C4orf51: variants seen among roughly 807,000 people sequenced by gnomAD.
C4orf51 encodes chromosome 4 open reading frame 51, also known as uncharacterized protein C4orf51.
In C4orf51, 25 loss-of-function variants were observed where a neutral mutation model predicts 25.2. That is an observed-to-expected ratio of 0.99 (90% CI 0.72 to 1.39). The LOEUF (loss-of-function observed/expected upper bound fraction) is 1.39. Among genes scored for constraint, C4orf51 ranks in the 40% most tolerant of loss-of-function variants. The pLI, the probability that C4orf51 is intolerant of heterozygous loss-of-function variation, is 0.00. For synonymous variants in C4orf51, 100 were observed against 84.5 expected, an observed-to-expected ratio of 1.18 and a Z score of -1.01; for missense variants, 252 against 239.6, an observed-to-expected ratio of 1.05 and a Z score of -0.34.
At chr4:145,686,526 G>A (rs924023803) in intron 1 of C4orf51, among the ~76,000 whole-genome samples, 31 of 152,232 alleles carry the variant, frequency 2.0e-4, no homozygotes, top group African/African-American at 7.5e-4. Flanking sequence ...TGTATATACA[G>A]AGGGATGTAC....
chr4:145,680,525 A>G, intron 1 of C4orf51, 89 bp downstream of exon 1: 1 of 907,140 alleles, frequency 1.1e-6, no homozygotes, highest in Non-Finnish European at 1.7e-6. Context: ...AGACCCTGAG[A>G]GACTTCATAG....
downstream of C4orf51, among the ~76,000 whole-genome samples, chr4:145,733,349 C>T (rs1018434158): frequency 1.3e-4 from 20 of 152,322 alleles, no homozygotes; most frequent in African/African-American, 3.1e-4. Context: ...CGCCTCGTCG[C>T]CCCCGCGGAG....
At chr4:145,693,447 C>T (rs1049539890) in intron 1 of C4orf51, among the ~76,000 whole-genome samples, 5 of 152,158 alleles carry the variant, frequency 3.3e-5, no homozygotes, top group African/African-American at 1.2e-4. Flanking sequence ...CACACAGACA[C>T]GGCAACCATC....
chr4:145,703,568 C>T (rs183268844), intron 2 of C4orf51, among the ~76,000 whole-genome samples: 174 of 152,276 alleles, frequency 1.1e-3, no homozygotes, highest in Non-Finnish European at 1.7e-3. Context: ...CTTTTCACTT[C>T]GTTGATAGTT....
rs1027733236 is a variant in C4orf51, at chr4:145,761,024, C to T, written n.167-9964C>T. 4.9e-5 allele frequency: 63 copies of T among 1,281,522 alleles called. No individual in the cohort carries two copies. The highest frequency in any genetic ancestry group is 5.9e-5 in the Non-Finnish European group (58 of 983,620). 79.4% of individuals were successfully genotyped at this position (1,281,522 alleles called of 1,614,324 possible). A position where few individuals can be genotyped will look rare whatever the true frequency, so the allele number is the denominator to read the frequency against. ...GCCAGGTTGGGCTCTGAGCTGCTGC[C>T]GTGGGCTGCCGACAGGGCCACGGTC... is the stretch of plus-strand genomic sequence containing the variant. On this transcript the variant is annotated intron_variant and non_coding_transcript_variant, in intron 1 of 1. Transcript: ENST00000510096. The surrounding 1 kb of genome is among the most constrained non-coding windows in gnomAD (Gnocchi z 6.8).
intron 2 of C4orf51, among the ~76,000 whole-genome samples, chr4:145,707,471 C>A (rs956964238): frequency 8.5e-5 from 13 of 152,144 alleles, no homozygotes; most frequent in African/African-American, 3.1e-4. Flanking sequence ...AGTGCTTGTC[C>A]AAATAAGTGT....
At chr4:145,699,266 C>CAT (rs1730274768) in intron 2 of C4orf51, among the ~76,000 whole-genome samples, 1 of 104,460 alleles carries the variant, frequency 9.6e-6, no homozygotes, top group Non-Finnish European at 1.9e-5. Context: ...CACACGGATG[C>CAT]GCAAGAAATT....
chr4:145,715,329 C>T (rs1731351841), intron 2 of C4orf51, among the ~76,000 whole-genome samples: 1 of 152,170 alleles, frequency 6.6e-6, no homozygotes, highest in Non-Finnish European at 1.5e-5. Flanking sequence ...CACCACTCAG[C>T]TCTGATAATC....
At chr4:145,737,996 C>G (rs1454870527) in intron 1 of C4orf51, among the ~76,000 whole-genome samples, 1 of 152,036 alleles carries the variant, frequency 6.6e-6, no homozygotes, top group Admixed American at 6.5e-5. Context: ...AGGAAAGAAA[C>G]TGTGTGGCTT....
the C4orf51 span, among the ~76,000 whole-genome samples, chr4:145,776,756 T>TA: frequency 4.6e-5 from 7 of 151,920 alleles, no homozygotes; most frequent in East Asian, 1.9e-4. Flanking sequence ...GGCCAAGAAA[T>TA]AAAAAAACTA....
At position 145,688,673 on chromosome 4, in the gene C4orf51, T is replaced by C. The variant is rs377736961; in HGVS notation, c.234-7886T>C. ...GAACTGTGAGTCAATTAAACCTCTTTTGTTTATAAATTACCCAGTCTCAGG... is the reference window on the plus strand; with the variant it reads ...GAACTGTGAGTCAATTAAACCTCTTCTGTTTATAAATTACCCAGTCTCAGG... On this transcript the variant is annotated intron_variant, in intron 1 of 5. Transcript: ENST00000438731. Among the ~76,000 whole-genome samples the C allele has an allele frequency of 1.9e-4, 29 of 152,326 alleles. No individual in the cohort carries two copies. In the East Asian group the frequency reaches 1.9e-3, roughly 10 times the overall value.
At chr4:145,692,953 G>GTTTTTTTTTTTTTTTTTTTTTT (rs202227019) in intron 1 of C4orf51, among the ~76,000 whole-genome samples, 13 of 100,996 alleles carry the variant, frequency 1.3e-4, no homozygotes, top group African/African-American at 1.8e-4. Context: ...TAAGTTTTTA[G>GTTTTTTTTTTTTTTTTTTTTTT]TTTTTTTTTT....
intron 2 of C4orf51, among the ~76,000 whole-genome samples, chr4:145,717,496 T>C (rs1019588452): frequency 2.0e-5 from 3 of 152,252 alleles, no homozygotes; most frequent in Non-Finnish European, 4.4e-5. Flanking sequence ...CTTTTCCATT[T>C]CCATGTCAAA....
intron 1 of C4orf51, among the ~76,000 whole-genome samples, chr4:145,680,931 T>A (rs996139954): frequency 7.2e-4 from 109 of 152,244 alleles, no homozygotes; most frequent in Non-Finnish European, 6.0e-4. Context: ...ATAAAGTGAC[T>A]GGAACTAGGG....
rs116550581 is a variant in C4orf51, at chr4:145,729,987, A to T, written c.501+22A>T. On this transcript the variant is annotated intron_variant, in intron 5 of 5. Coordinates refer to ENST00000438731, the MANE Select transcript of C4orf51 (RefSeq NM_001080531.3). ...GCATGTAAGAATCTTTTTACTTGCC[A>T]TGCAACAGTGGATCTGTGGGGTAGT... 2.5e-6 allele frequency: 4 copies of T among 1,606,210 alleles called. No homozygotes were observed. In the East Asian group the frequency reaches 8.9e-5, roughly 36 times the overall value.
chr4:145,760,854 C>T (rs932878477), intron 1 of C4orf51: 24 of 1,211,836 alleles, frequency 2.0e-5, no homozygotes, highest in Admixed American at 3.2e-5. Flanking sequence ...TGCTGGGAGG[C>T]GCAGTCTGAG....
Position 145,729,228 on chromosome 4 carries a change from C to T in C4orf51, c.426C>T (p.Tyr142=). The change falls in exon 4 of 6, where the codon TAC becomes TAT. Residue 142 remains tyrosine (Y), a splice_region_variant and synonymous_variant. Coordinates refer to ENST00000438731, the MANE Select transcript of C4orf51 (RefSeq NM_001080531.3). ...CGACACCTCCAAATTATGGAAAATA[C>T]TGTAAGTCCCATCCTGAACTACTAC... ...CFPTPPNYGK[Y]CVRPKKPAQE... 1 of 1,595,390 alleles carries T rather than the reference C, an allele frequency of 6.3e-7. No homozygotes were observed. Among genetic ancestry groups the T allele is most frequent in the Non-Finnish European group, 8.6e-7 (1 of 1,165,910 alleles).
intron 1 of C4orf51, among the ~76,000 whole-genome samples, chr4:145,750,307 A>G (rs910707476): frequency 5.3e-5 from 8 of 151,922 alleles, no homozygotes; most frequent in Admixed American, 2.6e-4. Flanking sequence ...CTTGTAGGAC[A>G]GTTCCATTGT....
downstream of C4orf51, among the ~76,000 whole-genome samples, chr4:145,756,774 AATAGCT>A (rs1203975498): frequency 6.6e-6 from 1 of 152,236 alleles, no homozygotes; most frequent in Non-Finnish European, 1.5e-5. Flanking sequence ...TCACCTAAAA[AATAGCT>A]ATTGGATGAA....
Sources: gnomAD v4.1 joint callset for allele counts (sites outside exome capture counted in the v4.1 genomes callset) on GRCh38, gnomAD v4.1.1 for gene constraint, Gnocchi (gnomAD v3.1) non-coding constraint, MANE v1.5 for transcripts, NCBI Gene and HGNC (gene_info 2026-07-23, HGNC 2026-07-21) for gene names.